Variants in IPP observed in about 807,000 individuals in gnomAD.
IPP encodes intracisternal A particle-promoted polypeptide.
Under a neutral mutation model 64.1 loss-of-function variants are expected in IPP, and 41 were observed. The ratio of observed to expected loss-of-function variants is 0.64; its 90% CI spans 0.50 to 0.83. The LOEUF (loss-of-function observed/expected upper bound fraction) is 0.83. IPP is among the 40% of genes least tolerant of loss of function. The pLI is 0.00. For missense variants in IPP, 649 were observed against 703.0 expected (o/e 0.92, Z 0.87); for synonymous variants, 214 against 235.2 (o/e 0.91, Z 0.83).
At chr1:45,711,344 AC>A (rs1214040262) in intron 8 of IPP, among the ~76,000 whole-genome samples, 1 of 152,096 alleles carries the variant, frequency 6.6e-6, no homozygotes, top group Non-Finnish European at 1.5e-5. Flanking sequence ...CCGTCTCAAA[AC>A]AAAAAACAAA....
At chr1:45,726,248 C>A (rs571090629) in intron 5 of IPP, among the ~76,000 whole-genome samples, 2 of 151,346 alleles carry the variant, frequency 1.3e-5, no homozygotes, top group Non-Finnish European at 2.9e-5. Context: ...CACCTGAGGT[C>A]GGGAGTTCGA....
chr1:45,705,798 A>G (rs1255807495), intron 8 of IPP, among the ~76,000 whole-genome samples: 1 of 148,112 alleles, frequency 6.8e-6, no homozygotes, highest in Non-Finnish European at 1.5e-5. Flanking sequence ...AGAGTGAGAC[A>G]TCGTCTCAAC....
At chr1:45,746,059 A>C in intron 2 of IPP, 61 bp downstream of exon 2, 1 of 1,362,002 alleles carries the variant, frequency 7.3e-7, no homozygotes, top group African/African-American at 1.4e-5. Flanking sequence ...TTATATTTCC[A>C]CATTAGTGCA....
At chr1:45,696,365 TAAAAC>T (rs1362148514), downstream of IPP, among the ~76,000 whole-genome samples, 1 of 152,208 alleles carries the variant, frequency 6.6e-6, no homozygotes, top group African/African-American at 2.4e-5. Flanking sequence ...TCCTTAAAGT[TAAAAC>T]AAAACCAACT....
chr1:45,737,991 TTAA>T (rs1646002805), intron 3 of IPP, among the ~76,000 whole-genome samples: 1 of 152,212 alleles, frequency 6.6e-6, no homozygotes, highest in Admixed American at 6.5e-5. Context: ...TTAGCTATTA[TTAA>T]TCTCTTACTG....
Position 45,746,395 on chromosome 1 carries a change from C to T in IPP, c.17G>A (p.Cys6Tyr). 1 of 1,611,906 alleles carries T rather than the reference C, an allele frequency of 6.2e-7. No individual in the cohort carries two copies. The highest frequency in any genetic ancestry group is 8.5e-7 in the Non-Finnish European group (1 of 1,178,016). Reference sequence around the variant, plus strand: ...AAAAGGACTATCAGCAGCCTTGGGACAGTCCTCATTAGCCATGATGACGGT... The same window carrying T: ...AAAAGGACTATCAGCAGCCTTGGGATAGTCCTCATTAGCCATGATGACGGT... Reference protein sequence around the residue: MANEDCPKAADSPFSS... With the variant: MANEDYPKAADSPFSS... Residue 6 changes from cysteine (C) to tyrosine (Y), a missense_variant, in exon 2 of 9, where the codon TGT becomes TAT. Coordinates refer to ENST00000396478, the MANE Select transcript of IPP (RefSeq NM_005897.3).
At position 45,727,801 on chromosome 1, in the gene IPP, A is replaced by C. The variant is rs758079406; in HGVS notation, c.881-3T>G. 1 of 1,510,912 alleles carries C rather than the reference A, an allele frequency of 6.6e-7. No individual in the cohort carries two copies. The highest frequency in any genetic ancestry group is 2.3e-5 in the East Asian group (1 of 43,654). The allele number at this position is 1,510,912 out of a possible 1,614,324, so 93.6% of individuals were successfully genotyped here. ...CCCCTGCAACCGAGTATATCCACCTAAACAAAAGAAGAAAAGGTAGTAATG... is the reference window on the plus strand; with the variant it reads ...CCCCTGCAACCGAGTATATCCACCTCAACAAAAGAAGAAAAGGTAGTAATG... On this transcript the variant is annotated splice_polypyrimidine_tract_variant and splice_region_variant and intron_variant, in intron 4 of 8. Transcript: ENST00000396478.
intron 6 of IPP, among the ~76,000 whole-genome samples, chr1:45,717,587 G>A (rs72688502): frequency 0.034 from 5,181 of 151,710 alleles, 157 homozygotes; most frequent in Admixed American, 0.072. Flanking sequence ...CTCAGGCTCA[G>A]TGCAAGCTCC....
In IPP at chr1:45,741,063, G is replaced by C. The variant is rs1394874624; in HGVS notation, c.562C>G (p.Arg188Gly). Residue 188 changes from arginine (R) to glycine (G), a missense_variant, in exon 3 of 9, where the codon CGA becomes GGA. Transcript: ENST00000396478. ...LTKDQLIKIL[R>G]SEELSIEDEY... is the part of the protein sequence containing the mutation. Reference sequence around the variant, plus strand: ...TCCTCAATGCTAAGCTCTTCACTTCGCAAAATTTTGATCAGCTGATCTTTC... The same window carrying C: ...TCCTCAATGCTAAGCTCTTCACTTCCCAAAATTTTGATCAGCTGATCTTTC... 1.9e-6 allele frequency: 3 copies of C among 1,613,920 alleles called. No individual in the cohort carries two copies. The highest frequency in any genetic ancestry group is 1.7e-6 in the Non-Finnish European group (2 of 1,179,966).
At chr1:45,726,090 A>AAAT (rs1645822177) in intron 5 of IPP, among the ~76,000 whole-genome samples, 5 of 148,980 alleles carry the variant, frequency 3.4e-5, no homozygotes, top group East Asian at 3.9e-4. Context: ...ATCAATAAAA[A>AAAT]AAATAAATAA....
In IPP at chr1:45,726,978, A is replaced by G. The variant is rs970423316; in HGVS notation, c.1048+653T>C. 2.6e-5 allele frequency among the ~76,000 whole-genome samples: 4 copies of G among 152,048 alleles called. 1 individual carries two copies. In the South Asian group the frequency reaches 8.3e-4, roughly 31 times the overall value. On this transcript the variant is annotated intron_variant, in intron 5 of 8. Transcript: ENST00000396478. ...TGACCTCAGGTGATCTGCCTGTCTC[A>G]GCCTCCCAAAGTGCTAGGAGGGATT... is the stretch of plus-strand genomic sequence containing the variant.
downstream of IPP, among the ~76,000 whole-genome samples, chr1:45,698,410 G>T (rs1006139354): frequency 6.6e-6 from 1 of 152,146 alleles, no homozygotes; most frequent in Non-Finnish European, 1.5e-5. Context: ...TCTTAGAAAT[G>T]AACAGAGAAC....
chr1:45,702,224 T>A (rs1418899376), intron 8 of IPP, among the ~76,000 whole-genome samples: 1 of 152,160 alleles, frequency 6.6e-6, no homozygotes, highest in Non-Finnish European at 1.5e-5. Context: ...AACTACAGTT[T>A]AATTTTTAAA....
chr1:45,719,343 G>A lies in IPP; in HGVS notation c.1049-3C>T, dbSNP rs1382995367. 1 of 1,577,198 alleles carries A rather than the reference G, an allele frequency of 6.3e-7. No individual in the cohort carries two copies. Among genetic ancestry groups the A allele is most frequent in the South Asian group, 1.2e-5 (1 of 86,680 alleles). ...AAAAATCATTGAATCCTTTTCACCT[G>A]AGTTAAATAAAAGAGACAAATATTA... On this transcript the variant is annotated splice_polypyrimidine_tract_variant and splice_region_variant and intron_variant, in intron 5 of 8. Transcript: ENST00000396478.
chr1:45,719,194 C>G lies in IPP; in HGVS notation c.1186+9G>C. On this transcript the variant is annotated intron_variant, in intron 6 of 8. Coordinates refer to ENST00000396478, the MANE Select transcript of IPP (RefSeq NM_005897.3). ...TATTAGCTATCTTTAAACTGAACAA[C>G]ATAATTACCCAAAGCATAGATAGCC... The G allele has an allele frequency of 6.2e-7, 1 of 1,613,684 alleles. No homozygotes were observed. The highest frequency in any genetic ancestry group is 8.5e-7 in the Non-Finnish European group (1 of 1,179,808).
intron 2 of IPP, among the ~76,000 whole-genome samples, chr1:45,745,669 T>C (rs564852023): frequency 6.6e-6 from 1 of 150,974 alleles, no homozygotes; most frequent in Non-Finnish European, 1.5e-5. Flanking sequence ...CAATCCTGGC[T>C]AACACAGTGA....
chr1:45,694,626 A>G (rs1444845627), downstream of IPP: 10 of 652,808 alleles, frequency 1.5e-5, no homozygotes, highest in East Asian at 2.8e-5. Context: ...AAAAGGATCT[A>G]TGGCTCTAAA....
intron 5 of IPP, among the ~76,000 whole-genome samples, chr1:45,722,685 C>T (rs1386998432): frequency 6.6e-6 from 1 of 151,802 alleles, no homozygotes; most frequent in Admixed American, 6.6e-5. Context: ...TAAGTATATA[C>T]CCAAAAGAAA....
intron 3 of IPP, among the ~76,000 whole-genome samples, chr1:45,731,998 C>G (rs1001103329): frequency 6.6e-6 from 1 of 151,866 alleles, no homozygotes; most frequent in Non-Finnish European, 1.5e-5. Flanking sequence ...AGAATTCAGT[C>G]AGAAGAAAAC....
Sources: allele counts gnomAD v4.1 joint callset (sites outside exome capture counted in the v4.1 genomes callset), GRCh38; gene constraint gnomAD v4.1.1; transcripts MANE v1.5; gene names NCBI Gene and HGNC (gene_info 2026-07-23, HGNC 2026-07-21).